The following RBFOX1 variants were observed in gnomAD, a reference collection of about 807,000 sequenced individuals.
The protein encoded by RBFOX1 is RNA binding protein fox-1 homolog 1.
A neutral mutation model predicts 57.7 loss-of-function variants in RBFOX1; 8 were observed. The ratio of observed to expected loss-of-function variants is 0.14; its 90% CI spans 0.08 to 0.25. The LOEUF (loss-of-function observed/expected upper bound fraction) is 0.25, where lower values mean the gene tolerates loss of function less well. Among genes scored for constraint, RBFOX1 ranks in the 10% least tolerant of loss-of-function variants. The pLI, the probability that RBFOX1 is intolerant of heterozygous loss-of-function variation, is 1.00. For missense variants in RBFOX1, 611 were observed against 548.5 expected, an observed-to-expected ratio of 1.11 and a Z score of -1.14; for synonymous variants, 326 against 222.4, an observed-to-expected ratio of 1.47 and a Z score of -4.15.
intron 3 of RBFOX1, among the ~76,000 whole-genome samples, chr16:5,828,173 A>T (rs1018075780): frequency 4.6e-5 from 7 of 151,714 alleles, no homozygotes; most frequent in East Asian, 1.9e-4. Flanking sequence ...CCTGCATCCA[A>T]TCCATCCTTC....
intron 4 of RBFOX1, among the ~76,000 whole-genome samples, chr16:7,426,185 C>T (rs767284080): frequency 3.9e-5 from 6 of 152,164 alleles, no homozygotes; most frequent in South Asian, 2.1e-4. Flanking sequence ...CAAACACAGC[C>T]GAAAAGAGCT....
At chr16:7,236,514 G>A (rs1471475652) in intron 4 of RBFOX1, among the ~76,000 whole-genome samples, 1 of 152,066 alleles carries the variant, frequency 6.6e-6, no homozygotes, top group Non-Finnish European at 1.5e-5. Flanking sequence ...ATTGCCATTA[G>A]GATTCTACTT....
intron 4 of RBFOX1, among the ~76,000 whole-genome samples, chr16:7,274,567 C>T (rs961434454): frequency 6.6e-6 from 1 of 152,180 alleles, no homozygotes; most frequent in Non-Finnish European, 1.5e-5. Context: ...TTAAACTAAT[C>T]ACTTCTCTCT....
intron 1 of RBFOX1, among the ~76,000 whole-genome samples, chr16:6,096,730 G>GA (rs1477304234): frequency 6.6e-6 from 1 of 152,112 alleles, no homozygotes; most frequent in African/African-American, 2.4e-5. Context: ...TTGTCACTAC[G>GA]AAATAAAGGA....
chr16:7,011,374 T>C (rs546001219), intron 3 of RBFOX1, among the ~76,000 whole-genome samples: 2 of 152,324 alleles, frequency 1.3e-5, no homozygotes, highest in Admixed American at 1.3e-4. Flanking sequence ...AGAGTGCAAG[T>C]GTGGCAGATG....
intron 4 of RBFOX1, among the ~76,000 whole-genome samples, chr16:7,361,429 C>T (rs532880849): frequency 6.6e-6 from 1 of 152,284 alleles, no homozygotes; most frequent in Admixed American, 6.5e-5. Context: ...TTCCCTAAAG[C>T]TTGAAAGAAC....
chr16:6,117,043 T>C (rs2096503936), intron 1 of RBFOX1, among the ~76,000 whole-genome samples: 1 of 152,140 alleles, frequency 6.6e-6, no homozygotes, highest in Admixed American at 6.5e-5. Context: ...AGATTTAAAA[T>C]TCCTCTGCAA....
At chr16:5,791,724 C>G (rs1567547520) in intron 3 of RBFOX1, among the ~76,000 whole-genome samples, 1 of 152,320 alleles carries the variant, frequency 6.6e-6, no homozygotes, top group Non-Finnish European at 1.5e-5. Flanking sequence ...CACACACACA[C>G]AAAAACCCTC....
rs111354106 is a variant in RBFOX1, at chr16:7,282,864, G to C, written c.27+230766G>C. On this transcript the variant is annotated intron_variant, in intron 4 of 15. Coordinates refer to ENST00000550418, the MANE Select transcript of RBFOX1 (RefSeq NM_018723.4). ...TTCCATTCCTGAGTTACTTCACTTA[G>C]AATAATAGTCTCCAATCGCATCCAG... Among the ~76,000 whole-genome samples the C allele has an allele frequency of 7.6e-3, 1,156 of 152,300 alleles. 13 individuals carry two copies. Among genetic ancestry groups the C allele is most frequent in the African/African-American group, 0.025 (1,059 of 41,568 alleles).
chr16:5,988,201 G>A (rs2060319500), intron 4 of RBFOX1, among the ~76,000 whole-genome samples: 1 of 152,146 alleles, frequency 6.6e-6, no homozygotes, highest in African/African-American at 2.4e-5. Context: ...TGAAATATCT[G>A]TTCATCATTT....
intron 3 of RBFOX1, among the ~76,000 whole-genome samples, chr16:6,700,155 A>G (rs1339371168): frequency 6.6e-6 from 1 of 151,638 alleles, no homozygotes; most frequent in Non-Finnish European, 1.5e-5. Context: ...GATGTATTTG[A>G]TCATCAGAGC....
At chr16:6,979,127 C>G (rs151323687) in intron 3 of RBFOX1, among the ~76,000 whole-genome samples, 1 of 152,182 alleles carries the variant, frequency 6.6e-6, no homozygotes, top group Non-Finnish European at 1.5e-5. Flanking sequence ...AAAATTGTAC[C>G]AAAAATCAGA....
intron 3 of RBFOX1, among the ~76,000 whole-genome samples, chr16:6,946,709 C>T (rs897496554): frequency 6.6e-6 from 1 of 152,020 alleles, no homozygotes; most frequent in Non-Finnish European, 1.5e-5. Flanking sequence ...CTCAAGTGAT[C>T]CTCTTGCCTG....
chr16:6,603,036 G>C (rs936732228), intron 2 of RBFOX1, among the ~76,000 whole-genome samples: 3 of 152,168 alleles, frequency 2.0e-5, no homozygotes, highest in Non-Finnish European at 4.4e-5. Context: ...ATTTCAGTAA[G>C]TATTTACTGT....
chr16:5,996,251 GGGAGAACTTTCTCTACAT>G (rs2060488409), intron 4 of RBFOX1, among the ~76,000 whole-genome samples: 1 of 152,116 alleles, frequency 6.6e-6, no homozygotes. Flanking sequence ...CTCTGCAGCA[GGGAGAACTTTCTCTACAT>G]CCGCACCATG....
At chr16:7,219,428 T>G (rs960020533) in intron 4 of RBFOX1, among the ~76,000 whole-genome samples, 45 of 152,096 alleles carry the variant, frequency 3.0e-4, no homozygotes, top group Admixed American at 7.9e-4. Flanking sequence ...AGTTGAAAGT[T>G]TGGGGGGAAA....
intron 3 of RBFOX1, among the ~76,000 whole-genome samples, chr16:5,683,750 TATATATA>T (rs1194500303): frequency 5.4e-5 from 8 of 148,568 alleles, no homozygotes; most frequent in South Asian, 4.2e-4. Context: ...TATGTGTGTG[TATATATA>T]ATATATAATA....
At chr16:7,222,777 C>T (rs574212326) in intron 4 of RBFOX1, among the ~76,000 whole-genome samples, 2 of 152,296 alleles carry the variant, frequency 1.3e-5, no homozygotes, top group Non-Finnish European at 2.9e-5. Context: ...AAGCAGGAAC[C>T]AGTGCCATTT....
rs188183075 is a variant in RBFOX1, at chr16:5,419,975, A to G, written c.220-47241A>G. ...AGGGTCTTTGCTGGTGTCTGCAGAT[A>G]CCAGCCCAGCTCAGCCGATATTGTG... On this transcript the variant is annotated intron_variant, in intron 1 of 2. Coordinates refer to the RBFOX1 transcript ENST00000585867. Among the ~76,000 whole-genome samples, 200 of 152,220 alleles carry G rather than the reference A, an allele frequency of 1.3e-3. 6 individuals are homozygous for G. The highest frequency in any genetic ancestry group is 0.013 in the Admixed American group (197 of 15,298).
Sources: gnomAD v4.1 joint callset for allele counts (sites outside exome capture counted in the v4.1 genomes callset) on GRCh38, gnomAD v4.1.1 for gene constraint, MANE v1.5 for transcripts, NCBI Gene and HGNC (gene_info 2026-07-23, HGNC 2026-07-21) for gene names.